Variants in STX8 observed in about 807,000 individuals in gnomAD.
STX8 encodes the protein syntaxin-8.
STX8 carries 23 observed loss-of-function variants against 37.5 expected under a neutral mutation model. The ratio of observed to expected loss-of-function variants is 0.61; its 90% CI spans 0.44 to 0.87. STX8 has a LOEUF of 0.87. Ranked by LOEUF, STX8 falls within the 40% of genes least tolerant of loss-of-function variation. The pLI is 0.00. For missense variants in STX8, 313 were observed against 284.7 expected (o/e 1.10, Z -0.71); for synonymous variants, 115 against 99.1 (o/e 1.16, Z -0.95).
chr17:9,323,584 A>G (rs1909647973), intron 7 of STX8, among the ~76,000 whole-genome samples: 1 of 151,842 alleles, frequency 6.6e-6, no homozygotes, highest in African/African-American at 2.4e-5. Flanking sequence ...CGGTGGGATC[A>G]CCGAATGCCT....
At chr17:9,458,236 G>A (rs1426258194) in intron 6 of STX8, among the ~76,000 whole-genome samples, 4 of 152,076 alleles carry the variant, frequency 2.6e-5, no homozygotes, top group East Asian at 1.9e-4. Flanking sequence ...TGCAAGCTCC[G>A]CCTCCTGGGC....
chr17:9,322,278 C>G (rs971252007), intron 7 of STX8, among the ~76,000 whole-genome samples: 3 of 152,212 alleles, frequency 2.0e-5, no homozygotes, highest in African/African-American at 7.2e-5. Context: ...GGCTCACTGC[C>G]GGAATAACCC....
At chr17:9,529,247 TAGAG>T (rs10536811) in intron 4 of STX8, among the ~76,000 whole-genome samples, 109,497 of 150,080 alleles carry the variant, frequency 0.73, 40,234 homozygotes, top group African/African-American at 0.75. Context: ...ACATAGCTCT[TAGAG>T]AGAGAGAGAG....
chr17:9,499,102 A>G (rs970821358), intron 5 of STX8, among the ~76,000 whole-genome samples: 7 of 152,158 alleles, frequency 4.6e-5, no homozygotes, highest in African/African-American at 1.7e-4. Flanking sequence ...CCTTCAGTCT[A>G]TGTTCTACCA....
intron 7 of STX8, among the ~76,000 whole-genome samples, chr17:9,278,835 A>G (rs549992760): frequency 6.6e-6 from 1 of 152,076 alleles, no homozygotes; most frequent in South Asian, 2.1e-4. Flanking sequence ...GGGAGCTTCT[A>G]AGACTTGGGC....
intron 7 of STX8, among the ~76,000 whole-genome samples, chr17:9,296,544 G>C (rs1261965581): frequency 6.7e-6 from 1 of 148,582 alleles, no homozygotes; most frequent in Non-Finnish European, 1.5e-5. Context: ...TAAATGTTAT[G>C]ACATGATTAA....
chr17:9,258,357 C>T (rs368634472), intron 7 of STX8, among the ~76,000 whole-genome samples: 1 of 152,218 alleles, frequency 6.6e-6, no homozygotes, highest in African/African-American at 2.4e-5. Flanking sequence ...AAAGAGTAGA[C>T]GCCGTGCAGA....
intron 6 of STX8, among the ~76,000 whole-genome samples, chr17:9,426,575 C>T (rs542646852): frequency 6.6e-6 from 1 of 152,106 alleles, no homozygotes; most frequent in East Asian, 1.9e-4. Context: ...GCCTGGGCAA[C>T]ACAGTGAGAC....
chr17:9,387,204 G>A (rs1041430790), intron 6 of STX8, among the ~76,000 whole-genome samples: 1 of 152,186 alleles, frequency 6.6e-6, no homozygotes, highest in Non-Finnish European at 1.5e-5. Flanking sequence ...TCCTAAAAAC[G>A]TGATGGGAGG....
intron 4 of STX8, among the ~76,000 whole-genome samples, chr17:9,539,023 T>C (rs544174726): frequency 2.0e-5 from 3 of 152,240 alleles, no homozygotes; most frequent in Admixed American, 6.5e-5. Context: ...CAGAGACTTC[T>C]TTAACAAGTT....
chr17:9,407,497 G>A (rs1912842550), intron 6 of STX8, among the ~76,000 whole-genome samples: 1 of 149,834 alleles, frequency 6.7e-6, no homozygotes, highest in Non-Finnish European at 1.5e-5. Flanking sequence ...TTTATTCTGA[G>A]CCAAATATGA....
intron 7 of STX8, among the ~76,000 whole-genome samples, chr17:9,304,188 A>G (rs1015010153): frequency 6.6e-6 from 1 of 152,148 alleles, no homozygotes; most frequent in African/African-American, 2.4e-5. Context: ...AATATATCCA[A>G]AGGTATTCTA....
intron 7 of STX8, among the ~76,000 whole-genome samples, chr17:9,376,561 G>A (rs547270588): frequency 2.0e-5 from 3 of 152,282 alleles, no homozygotes; most frequent in South Asian, 2.1e-4. Flanking sequence ...ACCCTGACCC[G>A]CTCGGGTCCC....
chr17:9,489,691 C>CCT (rs1906765952), intron 6 of STX8, among the ~76,000 whole-genome samples: 1 of 127,388 alleles, frequency 7.9e-6, no homozygotes, highest in Admixed American at 8.3e-5. Context: ...GCTTACTTTC[C>CCT]TTTTTTTTTT....
At chr17:9,452,824 G>T (rs1905085043) in intron 6 of STX8, among the ~76,000 whole-genome samples, 1 of 150,104 alleles carries the variant, frequency 6.7e-6, no homozygotes, top group African/African-American at 2.5e-5. Context: ...TTTTTAGACA[G>T]AGTCTCGCTC....
intron 4 of STX8, among the ~76,000 whole-genome samples, chr17:9,542,786 A>C (rs868344343): frequency 6.6e-6 from 1 of 152,220 alleles, no homozygotes. Context: ...TCTTGTTAGA[A>C]TGCAAGTTTT....
intron 4 of STX8, among the ~76,000 whole-genome samples, chr17:9,541,460 C>T (rs1263736676): frequency 6.6e-6 from 1 of 152,142 alleles, no homozygotes; most frequent in Non-Finnish European, 1.5e-5. Flanking sequence ...CACAATGCTC[C>T]AGTAATAACA....
chr17:9,568,503 A>C lies in STX8; in HGVS notation c.18-33T>G, dbSNP rs901701136. 5 of 1,580,256 alleles carry C rather than the reference A, an allele frequency of 3.2e-6. No homozygotes were observed. The East Asian group carries it at 6.7e-5, about 21-fold the overall frequency. ...AAAGTCGTAAAAAGAGAAAATGTTT[A>C]AGGTTCTTTTTTTTTGAGACGGAGT... On this transcript the variant is annotated intron_variant, in intron 1 of 7. Coordinates refer to ENST00000306357, the MANE Select transcript of STX8 (RefSeq NM_004853.3).
intron 7 of STX8, among the ~76,000 whole-genome samples, chr17:9,349,256 T>C (rs1910623996): frequency 6.6e-6 from 1 of 151,734 alleles, no homozygotes; most frequent in African/African-American, 2.4e-5. Context: ...CCTGCTAAAG[T>C]GCTTAGATTA....
Sources: gnomAD v4.1 joint callset for allele counts (sites outside exome capture counted in the v4.1 genomes callset) on GRCh38, gnomAD v4.1.1 for gene constraint, MANE v1.5 for transcripts, NCBI Gene and HGNC (gene_info 2026-07-23, HGNC 2026-07-21) for gene names.